Variants in RIMS2 observed in about 807,000 individuals in gnomAD.
The protein encoded by RIMS2 is regulating synaptic membrane exocytosis protein 2.
Under a neutral mutation model 174.4 loss-of-function variants are expected in RIMS2, and 59 were observed. The ratio of observed to expected loss-of-function variants is 0.34; its 90% CI spans 0.27 to 0.42. The LOEUF is 0.42. RIMS2 is among the 10% of genes least tolerant of loss of function. RIMS2 has a pLI of 1.00. For missense variants in RIMS2, 1,620 were observed against 1,666.3 expected (o/e 0.97, Z 0.48); for synonymous variants, 606 against 572.5 (o/e 1.06, Z -0.84).
At chr8:104,215,398 C>T (rs2099125540) in intron 19 of RIMS2, among the ~76,000 whole-genome samples, 1 of 152,070 alleles carries the variant, frequency 6.6e-6, no homozygotes, top group Admixed American at 6.5e-5. Context: ...ATTCTAGTCA[C>T]ACTATGGTGT....
chr8:103,601,626 C>A (rs1231561149), intron 1 of RIMS2, among the ~76,000 whole-genome samples: 1 of 151,736 alleles, frequency 6.6e-6, no homozygotes, highest in Non-Finnish European at 1.5e-5. Context: ...TTCAGCCACT[C>A]TGTGTCTTTT....
intron 3 of RIMS2, among the ~76,000 whole-genome samples, chr8:103,841,026 C>T (rs1323394394): frequency 6.6e-6 from 1 of 152,116 alleles, no homozygotes; most frequent in Non-Finnish European, 1.5e-5. Flanking sequence ...GTTTATAGAG[C>T]AGGACTTAAA....
At chr8:103,604,087 G>A (rs1289973117) in intron 1 of RIMS2, among the ~76,000 whole-genome samples, 2 of 149,182 alleles carry the variant, frequency 1.3e-5, no homozygotes, top group Admixed American at 6.6e-5. Flanking sequence ...CCTATGTCCT[G>A]AATGGTAATG....
At chr8:103,648,570 G>A (rs1294720407) in intron 1 of RIMS2, among the ~76,000 whole-genome samples, 1 of 151,986 alleles carries the variant, frequency 6.6e-6, no homozygotes, top group Non-Finnish European at 1.5e-5. Flanking sequence ...TATTGTTTGG[G>A]AATTTTAAGT....
intron 3 of RIMS2, among the ~76,000 whole-genome samples, chr8:103,825,062 G>T (rs545723475): frequency 6.6e-6 from 1 of 152,012 alleles, no homozygotes; most frequent in South Asian, 2.1e-4. Context: ...CTTGAATTAG[G>T]GGCTACATAT....
At chr8:103,526,353 A>T (rs1327255983) in intron 1 of RIMS2, among the ~76,000 whole-genome samples, 2 of 152,200 alleles carry the variant, frequency 1.3e-5, no homozygotes. Flanking sequence ...CTGGTGGAAG[A>T]TAATACCATC....
intron 3 of RIMS2, among the ~76,000 whole-genome samples, chr8:103,843,323 T>C (rs1002210660): frequency 2.0e-4 from 30 of 152,222 alleles, no homozygotes; most frequent in African/African-American, 6.8e-4. Context: ...CTTGCCCTTG[T>C]TGGATTTTGA....
At chr8:103,812,592 G>T (rs1437371021) in intron 3 of RIMS2, among the ~76,000 whole-genome samples, 2 of 152,106 alleles carry the variant, frequency 1.3e-5, no homozygotes, top group African/African-American at 4.8e-5. Context: ...ATGTTGGCCA[G>T]GCTGGTCTCA....
chr8:104,027,637 A>G (rs2096284071), intron 19 of RIMS2, among the ~76,000 whole-genome samples: 1 of 152,202 alleles, frequency 6.6e-6, no homozygotes, highest in Non-Finnish European at 1.5e-5. Context: ...CAATGTACTA[A>G]CTGTGTGACT....
intron 7 of RIMS2, among the ~76,000 whole-genome samples, 169 bp downstream of exon 10, chr8:103,915,763 T>C (rs2076527775): frequency 6.6e-6 from 1 of 152,060 alleles, no homozygotes; most frequent in African/African-American, 2.4e-5. Context: ...TGAGTCATAG[T>C]AGATAAAAAT....
At chr8:103,974,914 T>C (rs1003646077) in intron 15 of RIMS2, among the ~76,000 whole-genome samples, 15 of 152,202 alleles carry the variant, frequency 9.9e-5, no homozygotes, top group East Asian at 3.8e-4. Flanking sequence ...TTTCTAAAAC[T>C]TTTTATCACT....
rs181582598 is a variant in RIMS2, at chr8:103,794,155, C to A, written c.698+27618C>A. On this transcript the variant is annotated intron_variant, in intron 3 of 23. Transcript: ENST00000504942. ...TCCTAAGCCAAAAGAACAAAGCTGGCAGCATCACACTACCTGACTTCAAAC... is the reference window on the plus strand; with the variant it reads ...TCCTAAGCCAAAAGAACAAAGCTGGAAGCATCACACTACCTGACTTCAAAC... Among the ~76,000 whole-genome samples, 138 of 152,024 alleles carry A rather than the reference C, an allele frequency of 9.1e-4. 1 individual carries two copies. The East Asian group carries it at 0.024, about 27-fold the overall frequency.
intron 2 of RIMS2, among the ~76,000 whole-genome samples, chr8:103,747,359 G>A (rs2097834889): frequency 6.7e-6 from 1 of 149,758 alleles, no homozygotes; most frequent in African/African-American, 2.5e-5. Flanking sequence ...AGACTGTAAA[G>A]AACTTTTTGG....
intron 2 of RIMS2, among the ~76,000 whole-genome samples, chr8:103,757,773 C>T (rs1195571334): frequency 6.6e-6 from 1 of 152,146 alleles, no homozygotes; most frequent in African/African-American, 2.4e-5. Flanking sequence ...TGCACAAACA[C>T]AGAAGAGAAG....
chr8:103,988,387 CT>C (rs1397758002), intron 16 of RIMS2, among the ~76,000 whole-genome samples: 1 of 152,132 alleles, frequency 6.6e-6, no homozygotes, highest in Admixed American at 6.5e-5. Flanking sequence ...CATGCCATGT[CT>C]TAATTGTGTT....
intron 1 of RIMS2, among the ~76,000 whole-genome samples, chr8:103,624,366 C>A (rs2095722804): frequency 6.6e-6 from 1 of 152,166 alleles, no homozygotes; most frequent in South Asian, 2.1e-4. Context: ...TCTTCTCAGA[C>A]CCTCGGACTG....
rs528133271 is a variant in RIMS2, at chr8:104,245,091, C to T, written c.3476+34C>T. ...GGCTGCATGTGATGTGTGTCTCCTCCGTGCCTCACCTATCTCACTCTATGT... is the reference window on the plus strand; with the variant it reads ...GGCTGCATGTGATGTGTGTCTCCTCTGTGCCTCACCTATCTCACTCTATGT... On this transcript the variant is annotated intron_variant, in intron 20 of 23. Transcript: ENST00000504942. 16 of 1,605,872 alleles carry T rather than the reference C, an allele frequency of 1.0e-5. No individual in the cohort carries two copies. The East Asian group carries it at 2.9e-4, about 29-fold the overall frequency.
chr8:103,898,508 C>T (rs1006311237), intron 4 of RIMS2, among the ~76,000 whole-genome samples: 2 of 151,652 alleles, frequency 1.3e-5, no homozygotes, highest in East Asian at 1.9e-4. Context: ...GGGGCTACTA[C>T]TTGATTGAGT....
chr8:103,700,947 T>G (rs2097159902), intron 2 of RIMS2, among the ~76,000 whole-genome samples: 1 of 152,106 alleles, frequency 6.6e-6, no homozygotes, highest in Non-Finnish European at 1.5e-5. Flanking sequence ...TTTATTCATT[T>G]TATAAACCCC....
Sources: allele counts gnomAD v4.1 joint callset (sites outside exome capture counted in the v4.1 genomes callset), GRCh38; gene constraint gnomAD v4.1.1; transcripts MANE v1.5; gene names NCBI Gene and HGNC (gene_info 2026-07-23, HGNC 2026-07-21).